Variants in MIS18BP1 observed in about 807,000 individuals in gnomAD.
The protein encoded by MIS18BP1 is MIS18 binding protein 1.
In MIS18BP1, 72 loss-of-function variants were observed where a neutral mutation model predicts 116.1. The observed-to-expected ratio is 0.62, with a 90% confidence interval of 0.51 to 0.75. MIS18BP1 has a LOEUF of 0.75. Among genes scored for constraint, MIS18BP1 ranks in the 30% least tolerant of loss-of-function variants. The pLI is 0.00. For synonymous variants in MIS18BP1, 386 were observed against 427.0 expected (o/e 0.90, Z 1.18); for missense variants, 1,363 against 1,303.2 (o/e 1.05, Z -0.71).
At position 45,240,091 on chromosome 14, in the gene MIS18BP1, T is replaced by A. The variant is rs1268578; in HGVS notation, c.1143+1943A>T. Among the ~76,000 whole-genome samples the A allele has an allele frequency of 5.6e-3, 848 of 152,192 alleles. 13 individuals carry two copies. Among genetic ancestry groups the A allele is most frequent in the African/African-American group, 0.019 (803 of 41,552 alleles). ...ACATGAGTGTGGAGTTGAGAAGAAT[T>A]TTCTGTGCTGGAAACATATTGGAGA... On this transcript the variant is annotated intron_variant, in intron 4 of 16. Transcript: ENST00000310806.
intron 12 of MIS18BP1, among the ~76,000 whole-genome samples, chr14:45,217,839 C>T (rs1234348762): frequency 6.6e-6 from 1 of 152,108 alleles, no homozygotes; most frequent in African/African-American, 2.4e-5. Context: ...TGAATTATGA[C>T]AGGGTATTGG....
At chr14:45,248,424 G>T (rs1594530905) in intron 1 of MIS18BP1, among the ~76,000 whole-genome samples, 1 of 152,030 alleles carries the variant, frequency 6.6e-6, no homozygotes, top group Admixed American at 6.6e-5. Flanking sequence ...AAGGTTCTAG[G>T]TAAGGAACCA....
At chr14:45,204,272 G>C (rs1890449234) in intron 16 of MIS18BP1, 60 bp from the exon 17 acceptor site, 1 of 1,541,982 alleles carries the variant, frequency 6.5e-7, no homozygotes, top group Non-Finnish European at 8.8e-7. Context: ...CAATAAAACT[G>C]AAAACAACTA....
chr14:45,220,228 G>T (rs2139172197), intron 11 of MIS18BP1, among the ~76,000 whole-genome samples: 1 of 152,114 alleles, frequency 6.6e-6, no homozygotes, highest in Non-Finnish European at 1.5e-5. Context: ...CTCCTTAGTG[G>T]TTGGCACTAC....
At chr14:45,242,658 T>A (rs958536319) in intron 3 of MIS18BP1, 103 bp downstream of exon 3, 6 of 1,450,770 alleles carry the variant, frequency 4.1e-6, no homozygotes, top group Non-Finnish European at 4.6e-6. Context: ...TTCAAGCTTT[T>A]GTCCACAGCT....
In MIS18BP1 at chr14:45,217,175, C is replaced by T. The variant is rs372032495; in HGVS notation, c.2847G>A (p.Lys949=). 7 of 1,613,710 alleles carry T rather than the reference C, an allele frequency of 4.3e-6. No individual in the cohort carries two copies. The highest frequency in any genetic ancestry group is 5.9e-6 in the Non-Finnish European group (7 of 1,179,876). ...KPANSKGQNG[K]RGDADQKQTI... ...TTTGTTTCTGATCAGCATCACCTCT[C>T]TTGCCTTAAGAGTCAGCAAACCATT... The change falls in exon 13 of 17, where the codon AAG becomes AAA. Residue 949 remains lysine (K), a synonymous_variant. Coordinates refer to ENST00000310806, the MANE Select transcript of MIS18BP1 (RefSeq NM_018353.5).
At chr14:45,209,932 A>G (rs1267763985) in intron 14 of MIS18BP1, among the ~76,000 whole-genome samples, 12 of 152,118 alleles carry the variant, frequency 7.9e-5, no homozygotes, top group Non-Finnish European at 2.9e-5. Context: ...CAAGTTGCAT[A>G]TATTCTTTTC....
intron 14 of MIS18BP1, chr14:45,206,472 G>C: frequency 4.4e-6 from 1 of 229,334 alleles, no homozygotes; most frequent in Non-Finnish European, 8.6e-6. Flanking sequence ...TTTTTCTTAA[G>C]AGACAGGGTT....
intron 1 of MIS18BP1, among the ~76,000 whole-genome samples, chr14:45,248,549 A>G (rs182485153): frequency 0.01 from 1,581 of 152,292 alleles, 36 homozygotes; most frequent in African/African-American, 0.036. Flanking sequence ...TAACTATTCC[A>G]ATTAGTTAAC....
chr14:45,217,042 G>A lies in MIS18BP1; in HGVS notation c.2980C>T (p.Pro994Ser), dbSNP rs751078721. 6.2e-6 allele frequency: 10 copies of A among 1,613,890 alleles called. No homozygotes were observed. The highest frequency in any genetic ancestry group is 6.8e-6 in the Non-Finnish European group (8 of 1,179,958). Residue 994 changes from proline to serine, a missense_variant, in exon 13 of 17, where the codon CCT becomes TCT. Pro to Ser is a moderately conservative substitution (Grantham distance 74). Transcript: ENST00000310806. Reference sequence around the variant, plus strand: ...ACCAGTATTCTTTGATGCTGTAAAGGTGTTGTACTGAAAAAATCATCATGG... The same window carrying A: ...ACCAGTATTCTTTGATGCTGTAAAGATGTTGTACTGAAAAAATCATCATGG... ...DDHDDFFSTT[P>S]LQHQRILLPS...
intron 11 of MIS18BP1, among the ~76,000 whole-genome samples, chr14:45,222,487 T>C (rs1299507848): frequency 1.3e-5 from 2 of 152,230 alleles, no homozygotes; most frequent in Non-Finnish European, 2.9e-5. Flanking sequence ...ATTTTTATTT[T>C]AGCAGGTCAT....
chr14:45,245,591 C>T (rs998252952), intron 2 of MIS18BP1, among the ~76,000 whole-genome samples: 2 of 151,960 alleles, frequency 1.3e-5, no homozygotes, highest in Non-Finnish European at 2.9e-5. Flanking sequence ...CTTGAACCCC[C>T]GACCTCAGGT....
chr14:45,220,631 C>T (rs1890947201), intron 11 of MIS18BP1, among the ~76,000 whole-genome samples: 1 of 152,096 alleles, frequency 6.6e-6, no homozygotes, highest in South Asian at 2.1e-4. Flanking sequence ...CTCAATATGC[C>T]TTTGAAATTC....
chr14:45,224,809 C>A, intron 10 of MIS18BP1, 63 bp from the exon 11 acceptor site: 1 of 1,152,876 alleles, frequency 8.7e-7, no homozygotes, highest in Non-Finnish European at 1.2e-6. Flanking sequence ...CAAATATAAG[C>A]ACAGAAAATA....
rs2139130105 is a variant in MIS18BP1, at chr14:45,203,975, CA to C, written c.*133del. On this transcript the variant is annotated 3_prime_UTR_variant, in exon 17 of 17. Coordinates refer to ENST00000310806, the MANE Select transcript of MIS18BP1 (RefSeq NM_018353.5). Reference sequence around the variant, plus strand: ...GAGGATATTTTACTTTGAACACAAACATATGAAACCTTCAAAAAAGTCCACA... The same window carrying C: ...GAGGATATTTTACTTTGAACACAAACTATGAAACCTTCAAAAAAGTCCACA... The C allele has an allele frequency of 7.6e-7, 1 of 1,317,812 alleles. No individual in the cohort carries two copies. Among genetic ancestry groups the C allele is most frequent in the East Asian group, 2.7e-5 (1 of 36,830 alleles). The allele number at this position is 1,317,812 out of a possible 1,614,324, so 81.6% of individuals were successfully genotyped here. A position where few individuals can be genotyped will look rare whatever the true frequency, so the allele number is the denominator to read the frequency against.
intron 14 of MIS18BP1, among the ~76,000 whole-genome samples, chr14:45,209,194 G>A (rs1046005757): frequency 1.3e-5 from 2 of 150,320 alleles, no homozygotes; most frequent in Non-Finnish European, 3.0e-5. Flanking sequence ...ACACACACAA[G>A]TATATACATA....
intron 13 of MIS18BP1, among the ~76,000 whole-genome samples, chr14:45,215,413 ATTACT>A (rs1890788309): frequency 6.6e-6 from 1 of 152,022 alleles, no homozygotes; most frequent in South Asian, 2.1e-4. Context: ...ACATTTCTGC[ATTACT>A]TTAATCTTAA....
At chr14:45,241,079 G>A (rs925173350) in intron 4 of MIS18BP1, among the ~76,000 whole-genome samples, 2 of 152,122 alleles carry the variant, frequency 1.3e-5, no homozygotes, top group African/African-American at 4.8e-5. Context: ...AGGCTGGCCT[G>A]GGCAACAGAG....
Position 45,210,520 on chromosome 14 carries a change from A to C in MIS18BP1, c.3012T>G (p.Ser1004Arg), listed in dbSNP as rs201052988. 75 of 1,613,754 alleles carry C rather than the reference A, an allele frequency of 4.6e-5. 1 individual carries two copies. In the East Asian group the frequency reaches 1.5e-3, roughly 33 times the overall value. The change falls in exon 14 of 17, where the codon AGT (serine) becomes AGG (arginine). Residue 1004 changes from serine to arginine, a missense_variant. Coordinates refer to ENST00000310806, the MANE Select transcript of MIS18BP1 (RefSeq NM_018353.5). The stretch of plus-strand genomic sequence containing the variant: ...CATCATCATCTTCACTGTCCTGGAA[A>C]CTTGGCAACTAGAAAACAAGTATTT... ...PLQHQRILLPSFQDSEDDDDI... is the reference protein window; with the variant it reads ...PLQHQRILLPRFQDSEDDDDI...
Sources: allele counts gnomAD v4.1 joint callset (sites outside exome capture counted in the v4.1 genomes callset), GRCh38; gene constraint gnomAD v4.1.1; transcripts MANE v1.5; gene names NCBI Gene and HGNC (gene_info 2026-07-23, HGNC 2026-07-21).